LCLAT1: variants seen among roughly 807,000 people sequenced by gnomAD.
LCLAT1 encodes lysocardiolipin acyltransferase 1, also known as 1-AGP acyltransferase 8.
LCLAT1 carries 11 observed loss-of-function variants against 30.7 expected under a neutral mutation model. That is an observed-to-expected ratio of 0.36 (90% CI 0.23 to 0.59). LCLAT1 has a LOEUF of 0.59. Among genes scored for constraint, LCLAT1 ranks in the 20% least tolerant of loss-of-function variants. The probability of loss-of-function intolerance (pLI) is 0.77; values close to 1 mark genes in which losing one functional copy is unlikely to be tolerated. For missense variants in LCLAT1, 402 were observed against 458.6 expected, an observed-to-expected ratio of 0.88 and a Z score of 1.13; for synonymous variants, 155 against 151.3, an observed-to-expected ratio of 1.02 and a Z score of -0.18.
chr2:30,540,255 A>G (rs908896271), intron 3 of LCLAT1, among the ~76,000 whole-genome samples: 3 of 152,228 alleles, frequency 2.0e-5, no homozygotes, highest in African/African-American at 7.2e-5. Context: ...ATATTTTTAG[A>G]AAGTATTTAG....
chr2:30,566,623 A>G (rs1665494762), intron 4 of LCLAT1, among the ~76,000 whole-genome samples: 2 of 152,174 alleles, frequency 1.3e-5, no homozygotes, highest in Admixed American at 6.5e-5. Context: ...TTGTGTCGAT[A>G]TAGATATTTT....
intron 5 of LCLAT1, chr2:30,607,985 C>G (rs1160065286): frequency 5.4e-6 from 1 of 183,876 alleles, no homozygotes; most frequent in Non-Finnish European, 1.1e-5. Context: ...TTTTGTACAA[C>G]TTTACAATAG....
chr2:30,578,091 T>A (rs1249637881), intron 5 of LCLAT1, among the ~76,000 whole-genome samples: 1 of 152,154 alleles, frequency 6.6e-6, no homozygotes, highest in Non-Finnish European at 1.5e-5. Flanking sequence ...GTCTTATCTC[T>A]AGGTTCACAG....
At chr2:30,510,340 C>CT (rs1684880175) in intron 1 of LCLAT1, among the ~76,000 whole-genome samples, 1 of 152,226 alleles carries the variant, frequency 6.6e-6, no homozygotes, top group Non-Finnish European at 1.5e-5. Flanking sequence ...ACCAACTACT[C>CT]TAACACTTGC....
intron 2 of LCLAT1, among the ~76,000 whole-genome samples, chr2:30,527,163 T>C (rs141705547): frequency 6.6e-6 from 1 of 152,214 alleles, no homozygotes; most frequent in Non-Finnish European, 1.5e-5. Context: ...AATTTTGCTG[T>C]CATCATAAAA....
At chr2:30,567,192 T>A (rs1282732537) in intron 4 of LCLAT1, among the ~76,000 whole-genome samples, 1 of 152,204 alleles carries the variant, frequency 6.6e-6, no homozygotes, top group African/African-American at 2.4e-5. Context: ...TATAAAAAAA[T>A]TTAGTTATTA....
At chr2:30,527,441 T>C (rs1396789934) in intron 2 of LCLAT1, among the ~76,000 whole-genome samples, 5 of 152,220 alleles carry the variant, frequency 3.3e-5, no homozygotes, top group Non-Finnish European at 5.9e-5. Context: ...GAACCACACA[T>C]TTTTGTTGAA....
intron 1 of LCLAT1, among the ~76,000 whole-genome samples, chr2:30,499,401 C>T (rs949790943): frequency 1.3e-5 from 2 of 152,148 alleles, no homozygotes; most frequent in Non-Finnish European, 2.9e-5. Context: ...AGGCTTGTCT[C>T]GAACTCCTGA....
At chr2:30,479,651 G>A (rs1266523902) in intron 1 of LCLAT1, among the ~76,000 whole-genome samples, 1 of 152,126 alleles carries the variant, frequency 6.6e-6, no homozygotes, top group Non-Finnish European at 1.5e-5. Context: ...TTATTGGGAA[G>A]GGACATGCAT....
At chr2:30,597,554 G>A (rs924490576) in intron 5 of LCLAT1, among the ~76,000 whole-genome samples, 3 of 152,126 alleles carry the variant, frequency 2.0e-5, no homozygotes, top group African/African-American at 7.2e-5. Context: ...CTGAGGCAGT[G>A]GGATTTTCTA....
intron 2 of LCLAT1, among the ~76,000 whole-genome samples, chr2:30,528,637 T>A (rs563000269): frequency 6.6e-6 from 1 of 152,330 alleles, no homozygotes; most frequent in South Asian, 2.1e-4. Flanking sequence ...ACTGATAGTG[T>A]GATCTTTTGA....
chr2:30,520,293 C>T (rs375787052), intron 1 of LCLAT1, among the ~76,000 whole-genome samples: 4 of 152,292 alleles, frequency 2.6e-5, no homozygotes, highest in East Asian at 3.9e-4. Context: ...AAGGCTATCT[C>T]ACTAAGTTTG....
At chr2:30,494,942 C>A (rs549825525) in intron 1 of LCLAT1, among the ~76,000 whole-genome samples, 3 of 147,450 alleles carry the variant, frequency 2.0e-5, no homozygotes, top group Admixed American at 6.8e-5. Flanking sequence ...ATAACCATTT[C>A]ATGAAGTGTG....
intron 1 of LCLAT1, among the ~76,000 whole-genome samples, chr2:30,467,635 A>T (rs1472109447): frequency 1.2e-4 from 18 of 152,070 alleles, no homozygotes; most frequent in African/African-American, 3.4e-4. Flanking sequence ...CCATTCTAAC[A>T]GGTGTGAGAT....
intron 3 of LCLAT1, among the ~76,000 whole-genome samples, chr2:30,560,054 C>T (rs1665121453): frequency 6.6e-6 from 1 of 152,132 alleles, no homozygotes; most frequent in Non-Finnish European, 1.5e-5. Flanking sequence ...ATACTACTTA[C>T]ACACACTGCT....
At chr2:30,456,123 T>TG (rs1681821932) in intron 1 of LCLAT1, among the ~76,000 whole-genome samples, 1 of 152,172 alleles carries the variant, frequency 6.6e-6, no homozygotes, top group Non-Finnish European at 1.5e-5. Flanking sequence ...GGGTGAGTTG[T>TG]GGTAGTTTGT....
intron 1 of LCLAT1, among the ~76,000 whole-genome samples, chr2:30,480,997 A>G (rs543070335): frequency 1.3e-5 from 2 of 152,216 alleles, no homozygotes; most frequent in Non-Finnish European, 2.9e-5. Flanking sequence ...TGCTTTAAGT[A>G]GTGGTCAGCC....
chr2:30,557,333 C>A (rs1403347368), intron 3 of LCLAT1, among the ~76,000 whole-genome samples: 2 of 129,622 alleles, frequency 1.5e-5, no homozygotes, highest in African/African-American at 3.8e-5. Context: ...TGTGTATGAC[C>A]AGTCTTAACT....
intron 3 of LCLAT1, among the ~76,000 whole-genome samples, chr2:30,557,152 TAAA>T (rs1429714848): frequency 6.6e-6 from 1 of 152,162 alleles, no homozygotes; most frequent in Non-Finnish European, 1.5e-5. Context: ...TTTGGAAAAT[TAAA>T]AAGAGAAAAC....
Sources: allele counts gnomAD v4.1 joint callset (sites outside exome capture counted in the v4.1 genomes callset), GRCh38; gene constraint gnomAD v4.1.1; transcripts MANE v1.5; gene names NCBI Gene and HGNC (gene_info 2026-07-23, HGNC 2026-07-21).